B3GALT1: variants seen among roughly 807,000 people sequenced by gnomAD.
B3GALT1 encodes the protein beta-1,3-galactosyltransferase 1.
Under a neutral mutation model 23.2 loss-of-function variants are expected in B3GALT1, and 10 were observed. The ratio of observed to expected loss-of-function variants is 0.43; its 90% CI spans 0.27 to 0.73. The LOEUF (loss-of-function observed/expected upper bound fraction) is 0.73, where lower values mean the gene tolerates loss of function less well. Ranked by LOEUF, B3GALT1 falls within the 30% of genes least tolerant of loss-of-function variation. The pLI is 0.21. For synonymous variants in B3GALT1, 156 were observed against 141.5 expected, an observed-to-expected ratio of 1.10 and a Z score of -0.73; for missense variants, 299 against 405.4, an observed-to-expected ratio of 0.74 and a Z score of 2.25.
chr2:167,569,509 A>G (rs537137689), intron 2 of B3GALT1, among the ~76,000 whole-genome samples: 6 of 152,064 alleles, frequency 3.9e-5, no homozygotes, highest in African/African-American at 1.2e-4. Flanking sequence ...CCTTGCTAGT[A>G]TATGGTAAAG....
intron 1 of B3GALT1, among the ~76,000 whole-genome samples, chr2:167,479,079 A>G (rs1048568869): frequency 6.6e-6 from 1 of 151,982 alleles, no homozygotes; most frequent in Non-Finnish European, 1.5e-5. Context: ...TAAATAAATA[A>G]GTAAATAAAT....
intron 1 of B3GALT1, among the ~76,000 whole-genome samples, chr2:167,342,648 G>A (rs1697167763): frequency 2.0e-5 from 3 of 151,458 alleles, no homozygotes; most frequent in African/African-American, 7.3e-5. Flanking sequence ...GGAAATGAGT[G>A]CATGCCACAT....
chr2:167,719,232 A>T (rs1687195465), intron 3 of B3GALT1, among the ~76,000 whole-genome samples: 1 of 152,078 alleles, frequency 6.6e-6, no homozygotes, highest in African/African-American at 2.4e-5. Flanking sequence ...CTCATTTTCT[A>T]TGTTTTTGTG....
rs73971212 is a variant in B3GALT1, at chr2:167,655,975, T to A, written c.-352+9009T>A. Reference sequence around the variant, plus strand: ...AAAAATGTATTCAATTTAGAAAGTGTCGAAGTATTCCATACGTTGTGTCAG... The same window carrying A: ...AAAAATGTATTCAATTTAGAAAGTGACGAAGTATTCCATACGTTGTGTCAG... On this transcript the variant is annotated intron_variant, in intron 3 of 4. Transcript: ENST00000392690. Among the ~76,000 whole-genome samples, 876 of 152,262 alleles carry A rather than the reference T, an allele frequency of 5.8e-3. 6 individuals carry two copies. The highest frequency in any genetic ancestry group is 0.019 in the African/African-American group (792 of 41,550).
chr2:167,392,128 C>T (rs1007870801), intron 1 of B3GALT1, among the ~76,000 whole-genome samples: 5 of 151,800 alleles, frequency 3.3e-5, no homozygotes, highest in African/African-American at 7.3e-5. Flanking sequence ...TTTCTCTCCT[C>T]TTCTGCTTGA....
chr2:167,398,282 C>G (rs971198460), intron 1 of B3GALT1, among the ~76,000 whole-genome samples: 3 of 152,038 alleles, frequency 2.0e-5, no homozygotes, highest in Admixed American at 2.0e-4. Flanking sequence ...CAGTCTAGGT[C>G]TAGTGATTAC....
chr2:167,679,108 G>GT (rs925366678), intron 3 of B3GALT1, among the ~76,000 whole-genome samples: 3 of 137,768 alleles, frequency 2.2e-5, no homozygotes, highest in East Asian at 2.0e-4. Context: ...TTTTGTTTTT[G>GT]TTTTTTTGTT....
intron 1 of B3GALT1, among the ~76,000 whole-genome samples, chr2:167,447,651 C>A (rs540998168): frequency 2.0e-5 from 3 of 152,200 alleles, no homozygotes; most frequent in Admixed American, 6.5e-5. Flanking sequence ...GGGTGTGGGA[C>A]CCTCTGAGCC....
chr2:167,741,417 A>T (rs1558965080), intron 3 of B3GALT1, among the ~76,000 whole-genome samples: 1 of 152,208 alleles, frequency 6.6e-6, no homozygotes, highest in Non-Finnish European at 1.5e-5. Context: ...GAGAAGTTAC[A>T]GTCTGGTAGG....
chr2:167,713,069 T>A (rs1687087200), intron 3 of B3GALT1, among the ~76,000 whole-genome samples: 1 of 152,214 alleles, frequency 6.6e-6, no homozygotes, highest in African/African-American at 2.4e-5. Context: ...TTATTATCCC[T>A]TCTGAGCAGA....
intron 4 of B3GALT1, among the ~76,000 whole-genome samples, chr2:167,823,161 A>T (rs556094086): frequency 6.6e-6 from 1 of 152,182 alleles, no homozygotes; most frequent in East Asian, 1.9e-4. Context: ...TGGGTTCCCA[A>T]ATCACCAGGT....
At chr2:167,359,058 C>T (rs1349492845) in intron 1 of B3GALT1, among the ~76,000 whole-genome samples, 1 of 152,144 alleles carries the variant, frequency 6.6e-6, no homozygotes, top group African/African-American at 2.4e-5. Context: ...CCTTGGCCTC[C>T]CAAAGTGCTG....
At chr2:167,825,317 G>A (rs1485492335) in intron 4 of B3GALT1, among the ~76,000 whole-genome samples, 4 of 146,234 alleles carry the variant, frequency 2.7e-5, no homozygotes, top group Admixed American at 6.8e-5. Flanking sequence ...AAGAAAACAA[G>A]CAAAACTTAG....
In B3GALT1 at chr2:167,303,644, T is replaced by TACACACACACACACAC. The variant is rs61323885; in HGVS notation, c.-511+10334_-511+10349dup. ...TCTCCTGCTCTTGGAAACACACACATACACACACACACACACACACACACA... is the reference window on the plus strand; with the variant it reads ...TCTCCTGCTCTTGGAAACACACACATACACACACACACACACACACACACACACACACACACACACA... On this transcript the variant is annotated intron_variant, in intron 1 of 4. Transcript: ENST00000392690. 1.3e-3 allele frequency among the ~76,000 whole-genome samples: 194 copies of TACACACACACACACAC among 145,000 alleles called. 1 individual carries two copies. The highest frequency in any genetic ancestry group is 4.9e-3 in the African/African-American group (187 of 38,442).
chr2:167,341,412 A>G (rs990656399), intron 1 of B3GALT1, among the ~76,000 whole-genome samples: 1 of 152,208 alleles, frequency 6.6e-6, no homozygotes, highest in Admixed American at 6.5e-5. Context: ...CTGTAATCCC[A>G]GCACTTTGGG....
chr2:167,332,276 CTTTTA>C (rs1696985000), intron 1 of B3GALT1, among the ~76,000 whole-genome samples: 1 of 152,124 alleles, frequency 6.6e-6, no homozygotes, highest in African/African-American at 2.4e-5. Flanking sequence ...GATTCTGAGG[CTTTTA>C]TTTTATTAGG....
chr2:167,322,279 A>G (rs1399544692), intron 1 of B3GALT1, among the ~76,000 whole-genome samples: 3 of 151,852 alleles, frequency 2.0e-5, no homozygotes, highest in Non-Finnish European at 4.4e-5. Context: ...TCCTAAAAAT[A>G]TATTTAATAG....
At chr2:167,860,867 CTT>C (rs146576151) in intron 4 of B3GALT1, among the ~76,000 whole-genome samples, 15 of 144,244 alleles carry the variant, frequency 1.0e-4, no homozygotes, top group Admixed American at 2.8e-4. Context: ...ACTGGCTTTT[CTT>C]TTTTTTTTTT....
intron 2 of B3GALT1, among the ~76,000 whole-genome samples, chr2:167,582,596 C>T (rs928649365): frequency 6.6e-6 from 1 of 152,100 alleles, no homozygotes; most frequent in Non-Finnish European, 1.5e-5. Flanking sequence ...TTGGTTTTCT[C>T]ATTTTTCCCT....
Sources: allele counts gnomAD v4.1 joint callset (sites outside exome capture counted in the v4.1 genomes callset), GRCh38; gene constraint gnomAD v4.1.1; transcripts MANE v1.5; gene names NCBI Gene and HGNC (gene_info 2026-07-23, HGNC 2026-07-21).